The following TTBK2 variants were observed in gnomAD, a reference collection of about 807,000 sequenced individuals.
TTBK2 encodes the protein tau-tubulin kinase 2.
In TTBK2, 28 loss-of-function variants were observed where a neutral mutation model predicts 110.8. That is an observed-to-expected ratio of 0.25 (90% CI 0.19 to 0.35). The LOEUF (loss-of-function observed/expected upper bound fraction) is 0.35, where lower values mean the gene tolerates loss of function less well. Among genes scored for constraint, TTBK2 ranks in the 10% least tolerant of loss-of-function variants. The probability of loss-of-function intolerance (pLI) is 1.00; values close to 1 mark genes in which losing one functional copy is unlikely to be tolerated. For synonymous variants in TTBK2, 532 were observed against 527.3 expected (o/e 1.01, Z -0.12); for missense variants, 1,369 against 1,500.3 (o/e 0.91, Z 1.45).
At position 42,919,283 on chromosome 15, in the gene TTBK2, TAA is replaced by T. The variant is rs10712537; in HGVS notation, c.-68+1153_-68+1154del. 4.3e-3 allele frequency among the ~76,000 whole-genome samples: 645 copies of T among 150,924 alleles called. 1 individual carries two copies. The highest frequency in any genetic ancestry group is 0.014 in the African/African-American group (577 of 41,186). On this transcript the variant is annotated intron_variant, in intron 1 of 14. Coordinates refer to ENST00000267890, the MANE Select transcript of TTBK2 (RefSeq NM_173500.4). ...TTGTCATCATTACTGCTTCTTTATTTAAAAAAAAAAAGGAAATAAAGCAAGCA... is the reference window on the plus strand; with the variant it reads ...TTGTCATCATTACTGCTTCTTTATTTAAAAAAAAAGGAAATAAAGCAAGCA...
chr15:42,874,704 G>A (rs1423404740), intron 2 of TTBK2, among the ~76,000 whole-genome samples: 1 of 151,514 alleles, frequency 6.6e-6, no homozygotes, highest in Non-Finnish European at 1.5e-5. Context: ...AGTTCCAGAA[G>A]TGGCCGGGCG....
chr15:42,850,691 G>T (rs553494614), intron 3 of TTBK2, among the ~76,000 whole-genome samples: 10 of 152,204 alleles, frequency 6.6e-5, no homozygotes, highest in Middle Eastern at 3.4e-3. Flanking sequence ...GAGGGAAAAA[G>T]CAAGTTAGTA....
chr15:42,855,566 G>A (rs578231160), intron 3 of TTBK2, among the ~76,000 whole-genome samples: 94 of 152,270 alleles, frequency 6.2e-4, no homozygotes, highest in African/African-American at 2.2e-3. Flanking sequence ...GCTTCAAAAG[G>A]ATAATGATTT....
chr15:42,870,404 T>A (rs1460799560), intron 3 of TTBK2, among the ~76,000 whole-genome samples: 1 of 151,374 alleles, frequency 6.6e-6, no homozygotes, highest in Non-Finnish European at 1.5e-5. Flanking sequence ...ACTGAGAAAA[T>A]CTAGGGTTGT....
At chr15:42,791,994 T>A (rs953540424) in intron 10 of TTBK2, among the ~76,000 whole-genome samples, 1 of 151,892 alleles carries the variant, frequency 6.6e-6, no homozygotes, top group African/African-American at 2.4e-5. Flanking sequence ...ATACACAAAT[T>A]AGCATGGTGG....
intron 10 of TTBK2, among the ~76,000 whole-genome samples, chr15:42,793,485 G>A (rs1890789716): frequency 6.6e-6 from 1 of 152,058 alleles, no homozygotes; most frequent in Non-Finnish European, 1.5e-5. Flanking sequence ...AGGCCATAGT[G>A]CACTATGACT....
intron 4 of TTBK2, among the ~76,000 whole-genome samples, chr15:42,834,412 A>C (rs995431542): frequency 6.6e-6 from 1 of 152,186 alleles, no homozygotes; most frequent in African/African-American, 2.4e-5. Context: ...TTTGGTCTCT[A>C]AACATCATTT....
At chr15:42,893,967 C>T (rs966623311) in intron 1 of TTBK2, among the ~76,000 whole-genome samples, 9 of 152,200 alleles carry the variant, frequency 5.9e-5, no homozygotes, top group Admixed American at 5.2e-4. Flanking sequence ...TATGGTTTGG[C>T]TGTGTCCCTA....
At chr15:42,883,251 C>T (rs2141144038) in intron 1 of TTBK2, among the ~76,000 whole-genome samples, 1 of 151,824 alleles carries the variant, frequency 6.6e-6, no homozygotes, top group South Asian at 2.1e-4. Context: ...TGTGGTGACA[C>T]ATGCCTGTAA....
Position 42,746,117 on chromosome 15 carries a change from T to C in TTBK2, c.3413A>G (p.Lys1138Arg). The C allele has an allele frequency of 6.2e-7, 1 of 1,614,062 alleles. No homozygotes were observed. Among genetic ancestry groups the C allele is most frequent in the Non-Finnish European group, 8.5e-7 (1 of 1,180,016 alleles). The change falls in exon 15 of 15, where the codon AAA becomes AGA. Residue 1138 changes from lysine to arginine, a missense_variant. Coordinates refer to ENST00000267890, the MANE Select transcript of TTBK2 (RefSeq NM_173500.4). ...GACAACTGGACTCTTGGGTGGTGTTTTTGGATTGTGAGGAGATCCTGGACT... is the reference window on the plus strand; with the variant it reads ...GACAACTGGACTCTTGGGTGGTGTTCTTGGATTGTGAGGAGATCCTGGACT... The part of the protein sequence containing the change: ...CKSPGSPHNP[K>R]TPPKSPVVPR...
intron 13 of TTBK2, among the ~76,000 whole-genome samples, chr15:42,765,275 T>A (rs566118850): frequency 7.9e-5 from 12 of 152,178 alleles, no homozygotes; most frequent in African/African-American, 2.7e-4. Flanking sequence ...ATTTGATGAG[T>A]TGACAGAAGT....
intron 10 of TTBK2, among the ~76,000 whole-genome samples, chr15:42,787,739 T>C (rs1459853001): frequency 6.6e-6 from 1 of 152,242 alleles, no homozygotes; most frequent in Non-Finnish European, 1.5e-5. Context: ...AGTTATCTCA[T>C]AGATTCTGAT....
Position 42,783,522 on chromosome 15 carries a change from G to A in TTBK2, c.1094C>T (p.Pro365Leu). 2 of 1,614,046 alleles carry A rather than the reference G, an allele frequency of 1.2e-6. No homozygotes were observed. Among genetic ancestry groups the A allele is most frequent in the Non-Finnish European group, 1.7e-6 (2 of 1,180,006 alleles). Residue 365 changes from proline to leucine, a missense_variant, in exon 11 of 15, where the codon CCA becomes CTA. Physicochemically the swap from Pro to Leu is moderately conservative, Grantham distance 98. Transcript: ENST00000267890. The stretch of plus-strand genomic sequence containing the variant: ...TCCCAGAGATCCAGGCAATTTATCT[G>A]GTGACACACCAACAGGGATGCCATT... Reference protein sequence around the residue: ...GENGIPVGVSPDKLPGSLGHP... With the variant: ...GENGIPVGVSLDKLPGSLGHP...
chr15:42,769,281 G>C (rs1163365625), intron 13 of TTBK2, among the ~76,000 whole-genome samples: 1 of 152,144 alleles, frequency 6.6e-6, no homozygotes, highest in African/African-American at 2.4e-5. Flanking sequence ...TAAAACTAAA[G>C]AGCTCCTGCA....
intron 1 of TTBK2, among the ~76,000 whole-genome samples, chr15:42,879,898 G>A (rs1383723720): frequency 6.6e-6 from 1 of 151,622 alleles, no homozygotes; most frequent in East Asian, 1.9e-4. Flanking sequence ...TCAGGAGTCT[G>A]AGCGGGGAGG....
chr15:42,811,917 C>T (rs1051909179), intron 7 of TTBK2, 137 bp from the exon 8 acceptor site: 4 of 531,624 alleles, frequency 7.5e-6, no homozygotes, highest in Non-Finnish European at 1.3e-5. Context: ...ATATGATAAA[C>T]ATATATATAT....
rs568034070 is a variant in TTBK2 at position 42,817,939 on chromosome 15, C to T, written c.538-842G>A. On this transcript the variant is annotated intron_variant, in intron 6 of 14. Coordinates refer to ENST00000267890, the MANE Select transcript of TTBK2 (RefSeq NM_173500.4). ...CCTGAGAGAAACTTTCCTTAATCAT[C>T]CTAATCTAAAATACTGCTCCCCCAT... Among the ~76,000 whole-genome samples, 95 of 152,312 alleles carry T rather than the reference C, an allele frequency of 6.2e-4. No homozygotes were observed. The Middle Eastern group carries it at 0.01, about 16-fold the overall frequency.
At chr15:42,888,674 G>A (rs980387734) in intron 1 of TTBK2, among the ~76,000 whole-genome samples, 4 of 151,998 alleles carry the variant, frequency 2.6e-5, no homozygotes, top group African/African-American at 9.7e-5. Flanking sequence ...ATGCTGTTAT[G>A]GGCTGAAAAG....
At chr15:42,859,834 G>T (rs1403909084) in intron 3 of TTBK2, among the ~76,000 whole-genome samples, 2 of 152,158 alleles carry the variant, frequency 1.3e-5, no homozygotes. Context: ...AATGGATAAG[G>T]TAGACAGCAT....
Sources: gnomAD v4.1 joint callset for allele counts (sites outside exome capture counted in the v4.1 genomes callset) on GRCh38, gnomAD v4.1.1 for gene constraint, MANE v1.5 for transcripts, NCBI Gene and HGNC (gene_info 2026-07-23, HGNC 2026-07-21) for gene names.